Variants in TEAD1 observed in about 807,000 individuals in gnomAD.
The protein encoded by TEAD1 is transcriptional enhancer factor TEF-1.
TEAD1 carries 9 observed loss-of-function variants against 54.9 expected under a neutral mutation model. The ratio of observed to expected loss-of-function variants is 0.16; its 90% CI spans 0.10 to 0.29. TEAD1 has a LOEUF of 0.29. Ranked by LOEUF, TEAD1 falls within the 10% of genes least tolerant of loss-of-function variation. The pLI is 1.00. For missense variants in TEAD1, 387 were observed against 535.9 expected (o/e 0.72, Z 2.74); for synonymous variants, 200 against 187.8 (o/e 1.07, Z -0.53).
chr11:12,867,177 C>T (rs779020940), intron 5 of TEAD1, among the ~76,000 whole-genome samples: 3 of 152,106 alleles, frequency 2.0e-5, no homozygotes, highest in Non-Finnish European at 4.4e-5. Flanking sequence ...GATCTTTTTG[C>T]ACCCTAAACG....
intron 2 of TEAD1, among the ~76,000 whole-genome samples, chr11:12,760,988 G>A (rs996291293): frequency 5.3e-5 from 8 of 152,166 alleles, no homozygotes; most frequent in African/African-American, 1.9e-4. Flanking sequence ...GTAGTTTCTG[G>A]GGCTGTGTCC....
chr11:12,769,778 A>C (rs1490704630), intron 3 of TEAD1, among the ~76,000 whole-genome samples: 1 of 152,192 alleles, frequency 6.6e-6, no homozygotes, highest in Non-Finnish European at 1.5e-5. Context: ...ACAAACAGCT[A>C]TGTGGTAGAA....
intron 5 of TEAD1, among the ~76,000 whole-genome samples, chr11:12,878,657 G>A (rs1947905173): frequency 1.3e-5 from 2 of 151,846 alleles, no homozygotes; most frequent in South Asian, 2.1e-4. Flanking sequence ...CTGTTGTTGG[G>A]TGCCCTTCTC....
At chr11:12,717,834 C>G (rs1311091115) in intron 2 of TEAD1, among the ~76,000 whole-genome samples, 2 of 152,216 alleles carry the variant, frequency 1.3e-5, no homozygotes, top group Non-Finnish European at 2.9e-5. Flanking sequence ...GCTCCTGGCC[C>G]ACTGTTTTTC....
intron 2 of TEAD1, among the ~76,000 whole-genome samples, chr11:12,748,437 A>G (rs1313254488): frequency 1.3e-5 from 2 of 152,154 alleles, no homozygotes; most frequent in Non-Finnish European, 2.9e-5. Flanking sequence ...GGGGTTCTGG[A>G]TGGGTGGCTG....
intron 2 of TEAD1, among the ~76,000 whole-genome samples, chr11:12,691,954 A>C (rs985903473): frequency 1.3e-5 from 2 of 152,178 alleles, no homozygotes; most frequent in South Asian, 4.1e-4. Flanking sequence ...TCATTTAAAG[A>C]ATTTATCACT....
chr11:12,685,737 C>T (rs892096802), intron 2 of TEAD1, among the ~76,000 whole-genome samples: 7 of 152,118 alleles, frequency 4.6e-5, no homozygotes, highest in African/African-American at 1.7e-4. Context: ...GTAACCCATC[C>T]TTATGGATTG....
At position 12,938,807 on chromosome 11, in the gene TEAD1, C is replaced by T. The variant is rs923103091; in HGVS notation, c.*1585C>T. The T allele has an allele frequency of 6.6e-6, 1 of 152,232 alleles. No homozygotes were observed. The highest frequency in any genetic ancestry group is 2.4e-5 in the African/African-American group (1 of 41,444). The allele number at this position is 152,232 out of a possible 1,614,324, so 9.4% of individuals were successfully genotyped here. On this transcript the variant is annotated 3_prime_UTR_variant, in exon 13 of 13. Transcript: ENST00000527636. ...ACTGGGGAGAGAACAGGGAGTGCTC[C>T]TCCAGCTTCCCAAAGAAATATGTTT...
At chr11:12,905,373 A>G (rs1948500418) in intron 10 of TEAD1, among the ~76,000 whole-genome samples, 1 of 152,230 alleles carries the variant, frequency 6.6e-6, no homozygotes, top group Admixed American at 6.5e-5. Flanking sequence ...CCGAGATCAG[A>G]TACTTGTTTA....
At position 12,758,905 on chromosome 11, in the gene TEAD1, A is replaced by G. The variant is rs1945045762; in HGVS notation, c.-54-5274A>G. ...AATAAGTTGGCTTCCTCCAGGGTTA[A>G]TGGTGGAAACTGAGGCATACTGGAG... On this transcript the variant is annotated intron_variant, in intron 2 of 12. Transcript: ENST00000527636. 2.0e-5 allele frequency among the ~76,000 whole-genome samples: 3 copies of G among 152,160 alleles called. No homozygotes were observed. In the South Asian group the frequency reaches 6.2e-4, roughly 32 times the overall value.
chr11:12,903,826 T>C (rs1452672221), intron 10 of TEAD1, among the ~76,000 whole-genome samples: 1 of 152,070 alleles, frequency 6.6e-6, no homozygotes, highest in East Asian at 1.9e-4. Flanking sequence ...AAAAAGAAAT[T>C]TGGATAGTAG....
In TEAD1 at chr11:12,942,026, G is replaced by C. The variant is rs1476482313; in HGVS notation, c.*4804G>C. ...GCCCATTTTTTCTCCAGTTCTATAG[G>C]AAACTGACTGCTTGGTGTAAAATCC... On this transcript the variant is annotated 3_prime_UTR_variant, in exon 13 of 13. Coordinates refer to ENST00000527636, the MANE Select transcript of TEAD1 (RefSeq NM_021961.6). The C allele has an allele frequency of 6.6e-6, 1 of 152,490 alleles. No homozygotes were observed. The highest frequency in any genetic ancestry group is 2.4e-5 in the African/African-American group (1 of 41,404). The allele number at this position is 152,490 out of a possible 1,614,324, so 9.4% of individuals were successfully genotyped here.
intron 12 of TEAD1, among the ~76,000 whole-genome samples, chr11:12,936,830 C>T (rs1949109702): frequency 6.6e-6 from 1 of 152,082 alleles, no homozygotes; most frequent in Non-Finnish European, 1.5e-5. Context: ...CCCTAAAAAA[C>T]AAAAACACAA....
chr11:12,878,955 T>A, intron 5 of TEAD1: 3 of 1,253,124 alleles, frequency 2.4e-6, no homozygotes, highest in Non-Finnish European at 3.1e-6. Flanking sequence ...TTGGCAGACT[T>A]TTTTGGCTAG....
At chr11:12,735,562 ATTTTT>A (rs58093822) in intron 2 of TEAD1, among the ~76,000 whole-genome samples, 1 of 121,034 alleles carries the variant, frequency 8.3e-6, no homozygotes, top group African/African-American at 3.0e-5. Flanking sequence ...TCCTGGTTCG[ATTTTT>A]TTTTTTTTTT....
At chr11:12,936,344 A>G (rs1267116735) in intron 12 of TEAD1, among the ~76,000 whole-genome samples, 1 of 152,188 alleles carries the variant, frequency 6.6e-6, no homozygotes. Context: ...TTCACAATAC[A>G]TTTTGAAAGA....
At chr11:12,734,255 A>C (rs142865411) in intron 2 of TEAD1, among the ~76,000 whole-genome samples, 1 of 152,198 alleles carries the variant, frequency 6.6e-6, no homozygotes, top group Admixed American at 6.5e-5. Context: ...GAAAAGAAAA[A>C]AAATTTTAAG....
chr11:12,882,294 G>T (rs75041242), intron 8 of TEAD1, among the ~76,000 whole-genome samples: 3,192 of 152,276 alleles, frequency 0.021, 110 homozygotes, highest in African/African-American at 0.072. Context: ...CTCAAGGCCA[G>T]ATAGGGTTTC....
intron 2 of TEAD1, among the ~76,000 whole-genome samples, chr11:12,679,401 G>T (rs1943168277): frequency 6.6e-6 from 1 of 152,172 alleles, no homozygotes; most frequent in South Asian, 2.1e-4. Flanking sequence ...CTGGCTTATT[G>T]ATGAACAAGT....
Sources: gnomAD v4.1 joint callset for allele counts (sites outside exome capture counted in the v4.1 genomes callset) on GRCh38, gnomAD v4.1.1 for gene constraint, MANE v1.5 for transcripts, NCBI Gene and HGNC (gene_info 2026-07-23, HGNC 2026-07-21) for gene names.